LPXN: variants seen among roughly 807,000 people sequenced by gnomAD.
LPXN encodes the protein leupaxin.
Under a neutral mutation model 45.6 loss-of-function variants are expected in LPXN, and 28 were observed. That is an observed-to-expected ratio of 0.61 (90% CI 0.45 to 0.84). The LOEUF (loss-of-function observed/expected upper bound fraction) is 0.84. Among genes scored for constraint, LPXN ranks in the 40% least tolerant of loss-of-function variants. The pLI is 0.00. For synonymous variants in LPXN, 166 were observed against 169.9 expected, an observed-to-expected ratio of 0.98 and a Z score of 0.18; for missense variants, 459 against 475.0, an observed-to-expected ratio of 0.97 and a Z score of 0.31.
intron 1 of LPXN, 82 bp downstream of exon 1, chr11:58,575,678 G>T: frequency 2.0e-6 from 3 of 1,492,424 alleles, no homozygotes; most frequent in East Asian, 2.3e-5. Context: ...CCTCAGTCTA[G>T]CCAGAAGTAT....
chr11:58,560,761 TA>T (rs2120354354), intron 3 of LPXN, among the ~76,000 whole-genome samples: 1 of 152,298 alleles, frequency 6.6e-6, no homozygotes, highest in South Asian at 2.1e-4. Flanking sequence ...AGTTGGCAAG[TA>T]ACAAAGAGCT....
intron 1 of LPXN, among the ~76,000 whole-genome samples, chr11:58,572,175 T>C (rs770822636): frequency 3.3e-4 from 50 of 152,064 alleles, no homozygotes; most frequent in Non-Finnish European, 4.3e-4. Context: ...CATCTAAAGT[T>C]CTCAGATAAG....
intron 3 of LPXN, among the ~76,000 whole-genome samples, chr11:58,556,231 T>G (rs1487258968): frequency 2.0e-5 from 3 of 151,856 alleles, no homozygotes; most frequent in Non-Finnish European, 4.4e-5. Context: ...AGTTTGAAAT[T>G]CAAAATTAGG....
Position 58,527,460 on chromosome 11 carries a change from T to A in LPXN, c.1155A>T (p.Pro385=). The A allele has an allele frequency of 6.2e-7, 1 of 1,614,200 alleles. No homozygotes were observed. Among genetic ancestry groups the A allele is most frequent in the African/African-American group, 1.3e-5 (1 of 75,054 alleles). ...YCQPCFNKLF[P]L is the part of the protein sequence containing the mutation. ...GGCTATGGATCAGTTGGCATTACAG[T>A]GGGAAGAGCTTATTGAAGCAAGGTT... Residue 385 remains proline, a synonymous_variant, in exon 9 of 9, where the codon CCA becomes CCT. Coordinates refer to ENST00000395074, the MANE Select transcript of LPXN (RefSeq NM_004811.3).
In LPXN at chr11:58,570,601, C is replaced by T; in HGVS notation, c.126G>A (p.Glu42=). 1 of 1,613,522 alleles carries T rather than the reference C, an allele frequency of 6.2e-7. No individual in the cohort carries two copies. The change falls in exon 2 of 9, where the codon GAG becomes GAA. Residue 42 remains glutamate, a synonymous_variant. Coordinates refer to ENST00000395074, the MANE Select transcript of LPXN (RefSeq NM_004811.3). ...QHSRKETNLD[E]TSEILSIQDN... ...CCTGAATAGAAAGGATCTCCGAAGT[C>T]TCATCAAGGTTAGTCTCCTTTCTGG...
intron 7 of LPXN, among the ~76,000 whole-genome samples, chr11:58,547,649 G>A (rs549188231): frequency 3.3e-5 from 5 of 152,230 alleles, no homozygotes; most frequent in East Asian, 1.9e-4. Flanking sequence ...CCCTGTCCTC[G>A]CCTCCTGCAG....
rs1239253733 is a variant in LPXN, at chr11:58,527,212, C to T, written c.*242G>A. 1 of 472,730 alleles carries T rather than the reference C, an allele frequency of 2.1e-6. No homozygotes were observed. The highest frequency in any genetic ancestry group is 3.7e-5 in the East Asian group (1 of 27,222). 29.3% of individuals were successfully genotyped at this position (472,730 alleles called of 1,614,324 possible). A position where few individuals can be genotyped will look rare whatever the true frequency, so the allele number is the denominator to read the frequency against. ...AGATAGAAGGACCTAGATCTAACTC[C>T]AAGTGCTTGATTGGAGAAGAGAGGG... is the stretch of plus-strand genomic sequence containing the variant. On this transcript the variant is annotated 3_prime_UTR_variant, in exon 9 of 9. Transcript: ENST00000395074.
chr11:58,578,706 G>C (rs1402762314), upstream of LPXN, among the ~76,000 whole-genome samples: 1 of 152,130 alleles, frequency 6.6e-6, no homozygotes, highest in African/African-American at 2.4e-5. Context: ...GGTATCAGTG[G>C]CTCCTCAGGG....
intron 7 of LPXN, among the ~76,000 whole-genome samples, chr11:58,535,232 A>G (rs1228496789): frequency 6.6e-6 from 1 of 152,248 alleles, no homozygotes; most frequent in Admixed American, 6.5e-5. Context: ...AGAAAACTTC[A>G]GGCCAATATC....
chr11:58,563,684 C>G (rs1854445161), intron 3 of LPXN, among the ~76,000 whole-genome samples: 1 of 152,322 alleles, frequency 6.6e-6, no homozygotes, highest in Non-Finnish European at 1.5e-5. Context: ...GGAAATCCCT[C>G]TACCCACTAT....
At chr11:58,539,030 G>A (rs1853637252) in intron 7 of LPXN, among the ~76,000 whole-genome samples, 1 of 152,050 alleles carries the variant, frequency 6.6e-6, no homozygotes. Context: ...ATTCTATCAG[G>A]GCGCAGTGGC....
At chr11:58,566,941 G>A (rs994592875) in intron 2 of LPXN, among the ~76,000 whole-genome samples, 1 of 151,984 alleles carries the variant, frequency 6.6e-6, no homozygotes, top group African/African-American at 2.4e-5. Context: ...TTCCTTGCAT[G>A]GTAGTGTTCA....
chr11:58,575,832 TGAA>T lies in LPXN; in HGVS notation c.-63_-61del. 1.2e-6 allele frequency: 2 copies of T among 1,614,098 alleles called. No individual in the cohort carries two copies. Among genetic ancestry groups the T allele is most frequent in the South Asian group, 1.1e-5 (1 of 91,076 alleles). ...CGTGAGGAACAGCTTTGGCATGTGC[TGAA>T]GAAGAGGACCGCAAAGGAACTGGAT... On this transcript the variant is annotated 5_prime_UTR_variant, in exon 1 of 9. Coordinates refer to ENST00000395074, the MANE Select transcript of LPXN (RefSeq NM_004811.3).
chr11:58,574,444 G>A (rs1295868198), intron 1 of LPXN, among the ~76,000 whole-genome samples: 1 of 152,096 alleles, frequency 6.6e-6, no homozygotes, highest in East Asian at 1.9e-4. Context: ...ATTTCAGAGG[G>A]TTGCTGCAGA....
upstream of LPXN, among the ~76,000 whole-genome samples, chr11:58,577,772 T>C (rs984406523): frequency 8.6e-5 from 13 of 151,604 alleles, no homozygotes; most frequent in South Asian, 2.1e-4. Context: ...TCACCAGTCA[T>C]GTCACGCTCA....
In LPXN at chr11:58,527,336, C is replaced by T; in HGVS notation, c.*118G>A. On this transcript the variant is annotated 3_prime_UTR_variant, in exon 9 of 9. Transcript: ENST00000395074. ...AGAAGTTCCTTTATTTGCTCATCAC[C>T]TTTCCTTTTTCTATAAGACTATTAA... The T allele has an allele frequency of 9.6e-7, 1 of 1,046,470 alleles. No homozygotes were observed. The highest frequency in any genetic ancestry group is 1.4e-6 in the Non-Finnish European group (1 of 712,890). The allele number at this position is 1,046,470 out of a possible 1,614,324, so 64.8% of individuals were successfully genotyped here. A position where few individuals can be genotyped will look rare whatever the true frequency, so the allele number is the denominator to read the frequency against.
intron 3 of LPXN, among the ~76,000 whole-genome samples, chr11:58,556,755 C>G (rs1283681893): frequency 6.6e-6 from 1 of 152,018 alleles, no homozygotes; most frequent in African/African-American, 2.4e-5. Flanking sequence ...AAAAAAGAAC[C>G]TGTTCACAAT....
chr11:58,545,240 C>T (rs574189747), intron 7 of LPXN, among the ~76,000 whole-genome samples: 166 of 152,240 alleles, frequency 1.1e-3, no homozygotes, highest in Middle Eastern at 3.4e-3. Flanking sequence ...GGGCCTGAGT[C>T]AAGAAAATGA....
intron 1 of LPXN, among the ~76,000 whole-genome samples, chr11:58,572,966 C>T (rs1042050591): frequency 1.3e-5 from 2 of 152,064 alleles, no homozygotes; most frequent in South Asian, 2.1e-4. Context: ...ACAAATAGGC[C>T]GGGCATGGTG....
Sources: allele counts gnomAD v4.1 joint callset (sites outside exome capture counted in the v4.1 genomes callset), GRCh38; gene constraint gnomAD v4.1.1; transcripts MANE v1.5; gene names NCBI Gene and HGNC (gene_info 2026-07-23, HGNC 2026-07-21).